Variants in PTPRM observed in about 807,000 individuals in gnomAD.
PTPRM encodes receptor-type tyrosine-protein phosphatase mu.
A neutral mutation model predicts 186.7 loss-of-function variants in PTPRM; 47 were observed. That is an observed-to-expected ratio of 0.25 (90% confidence interval 0.20 to 0.32). The LOEUF (loss-of-function observed/expected upper bound fraction) is 0.32, where lower values mean the gene tolerates loss of function less well. Ranked by LOEUF, PTPRM falls within the 10% of genes least tolerant of loss-of-function variation. The probability of loss-of-function intolerance (pLI) is 1.00; values close to 1 mark genes in which losing one functional copy is unlikely to be tolerated. For missense variants in PTPRM, 1,494 were observed against 1,865.0 expected (o/e 0.80, Z 3.66); for synonymous variants, 668 against 674.9 (o/e 0.99, Z 0.16).
Position 7,613,302 on chromosome 18 carries a change from A to G in PTPRM, c.73+45411A>G, listed in dbSNP as rs1200814637. On this transcript the variant is annotated intron_variant, in intron 1 of 32. Coordinates refer to ENST00000580170, the MANE Select transcript of PTPRM (RefSeq NM_001105244.2). ...AGCTACTCCATACAATTTAATCCTT[A>G]ATTATATTTTGTCATGTTCCCCTTT... 2.0e-5 allele frequency among the ~76,000 whole-genome samples: 3 copies of G among 152,154 alleles called. No individual in the cohort carries two copies. In the East Asian group the frequency reaches 5.8e-4, roughly 29 times the overall value.
chr18:8,372,111 C>T (rs991138748), intron 24 of PTPRM, among the ~76,000 whole-genome samples: 4 of 119,152 alleles, frequency 3.4e-5, no homozygotes, highest in Admixed American at 2.9e-4. Context: ...GTCGCCCAGG[C>T]CGGACTGCGG....
chr18:7,945,122 C>A (rs1360761227), intron 5 of PTPRM, among the ~76,000 whole-genome samples: 1 of 151,970 alleles, frequency 6.6e-6, no homozygotes, highest in African/African-American at 2.4e-5. Flanking sequence ...GCACACTCAG[C>A]CCCCTCACCA....
intron 11 of PTPRM, among the ~76,000 whole-genome samples, chr18:8,090,443 A>G (rs1213287727): frequency 1.3e-5 from 2 of 152,198 alleles, no homozygotes; most frequent in Non-Finnish European, 2.9e-5. Flanking sequence ...CTGAAAGCTT[A>G]ATCATTTTTC....
intron 1 of PTPRM, among the ~76,000 whole-genome samples, chr18:7,635,006 T>C (rs2038279253): frequency 6.6e-6 from 1 of 152,158 alleles, no homozygotes. Flanking sequence ...TTTTCAAATG[T>C]AAAAACAAAA....
At chr18:8,053,080 G>C (rs990980317) in intron 7 of PTPRM, among the ~76,000 whole-genome samples, 1 of 152,088 alleles carries the variant, frequency 6.6e-6, no homozygotes, top group African/African-American at 2.4e-5. Context: ...CGTTTGTTTA[G>C]TGGTTGCCAA....
intron 2 of PTPRM, among the ~76,000 whole-genome samples, chr18:7,787,995 T>C (rs2043170076): frequency 6.6e-6 from 1 of 152,168 alleles, no homozygotes; most frequent in Non-Finnish European, 1.5e-5. Context: ...AGTTTTGACC[T>C]TGTGGCCTCC....
chr18:8,202,961 G>A (rs1323272914), intron 14 of PTPRM, among the ~76,000 whole-genome samples: 2 of 152,174 alleles, frequency 1.3e-5, no homozygotes, highest in Non-Finnish European at 2.9e-5. Context: ...CTCAGCTCAG[G>A]CAGCATAGGG....
chr18:7,740,171 TG>T (rs899689200), intron 1 of PTPRM, among the ~76,000 whole-genome samples: 5 of 152,188 alleles, frequency 3.3e-5, no homozygotes, highest in Non-Finnish European at 7.3e-5. Context: ...TGGTTGGTCC[TG>T]CCAACCCCAC....
At chr18:7,891,874 C>CA (rs1169112824) in intron 3 of PTPRM, among the ~76,000 whole-genome samples, 6 of 151,152 alleles carry the variant, frequency 4.0e-5, no homozygotes, top group African/African-American at 1.5e-4. Flanking sequence ...GACCCTGTCT[C>CA]AAAAAAGGAA....
At chr18:8,348,541 A>G (rs1257087390) in intron 23 of PTPRM, among the ~76,000 whole-genome samples, 1 of 152,222 alleles carries the variant, frequency 6.6e-6, no homozygotes, top group East Asian at 1.9e-4. Context: ...TGGCGCTGGA[A>G]CGTGTTGTGA....
intron 13 of PTPRM, among the ~76,000 whole-genome samples, chr18:8,120,391 G>A (rs2092123624): frequency 6.6e-6 from 1 of 151,802 alleles, no homozygotes; most frequent in Non-Finnish European, 1.5e-5. Context: ...TGAATACCTG[G>A]CTGACTGACA....
chr18:7,840,088 G>T (rs900352305), intron 2 of PTPRM, among the ~76,000 whole-genome samples: 37 of 133,216 alleles, frequency 2.8e-4, no homozygotes, highest in Admixed American at 5.8e-4. Flanking sequence ...GGGTGGAGGT[G>T]GGGGGGGAGG....
intron 31 of PTPRM, among the ~76,000 whole-genome samples, chr18:8,391,127 T>G (rs1369779785): frequency 6.6e-6 from 1 of 152,050 alleles, no homozygotes; most frequent in East Asian, 1.9e-4. Context: ...CAAGTGTTAG[T>G]GAAGCTGTGG....
rs950659085 is a variant in PTPRM, at chr18:8,143,517, C to G, written c.2168-130C>G. ...TGCATATGAAAGCTGTTTAAAAAAT[C>G]AAAGCTTGTCTGTCTGCTGGCTCTG... is the stretch of plus-strand genomic sequence containing the variant. On this transcript the variant is annotated intron_variant, in intron 13 of 32. Coordinates refer to ENST00000580170, the MANE Select transcript of PTPRM (RefSeq NM_001105244.2). 3 of 953,012 alleles carry G rather than the reference C, an allele frequency of 3.1e-6. No homozygotes were observed. In the African/African-American group the frequency reaches 5.0e-5, roughly 16 times the overall value. The allele number at this position is 953,012 out of a possible 1,614,324, so 59.0% of individuals were successfully genotyped here.
intron 1 of PTPRM, among the ~76,000 whole-genome samples, chr18:7,705,403 C>T (rs543060060): frequency 7.5e-6 from 1 of 133,498 alleles, no homozygotes; most frequent in South Asian, 2.1e-4. Context: ...CTCTTTCTTT[C>T]TCTTTCAAAG....
intron 4 of PTPRM, among the ~76,000 whole-genome samples, chr18:7,917,044 C>T (rs1330637869): frequency 6.6e-6 from 1 of 152,156 alleles, no homozygotes; most frequent in East Asian, 1.9e-4. Context: ...ATTTGTCCTT[C>T]TGTGCCTGGC....
chr18:7,763,723 G>C (rs1422472790), intron 1 of PTPRM, among the ~76,000 whole-genome samples: 1 of 152,160 alleles, frequency 6.6e-6, no homozygotes, highest in East Asian at 1.9e-4. Flanking sequence ...TGTTCATTGA[G>C]GGAAGTACAT....
At chr18:7,639,995 G>A (rs779190304) in intron 1 of PTPRM, among the ~76,000 whole-genome samples, 4 of 152,096 alleles carry the variant, frequency 2.6e-5, no homozygotes, top group Non-Finnish European at 5.9e-5. Context: ...TTCAAAGGAA[G>A]TGCATAACTA....
chr18:8,152,425 C>G (rs976955047), intron 14 of PTPRM, among the ~76,000 whole-genome samples: 2 of 152,158 alleles, frequency 1.3e-5, no homozygotes, highest in African/African-American at 4.8e-5. Context: ...TGGTTCTGTT[C>G]TAGTCAAGCC....
Sources: gnomAD v4.1 joint callset for allele counts (sites outside exome capture counted in the v4.1 genomes callset) on GRCh38, gnomAD v4.1.1 for gene constraint, MANE v1.5 for transcripts, NCBI Gene and HGNC (gene_info 2026-07-23, HGNC 2026-07-21) for gene names.